FRYL: variants seen among roughly 807,000 people sequenced by gnomAD.
FRYL encodes protein furry homolog-like.
Under a neutral mutation model 351.2 loss-of-function variants are expected in FRYL, and 150 were observed. That is an observed-to-expected ratio of 0.43 (90% CI 0.37 to 0.49). The LOEUF (loss-of-function observed/expected upper bound fraction) is 0.49, where lower values mean the gene tolerates loss of function less well. Ranked by LOEUF, FRYL falls within the 20% of genes least tolerant of loss-of-function variation. The probability of loss-of-function intolerance (pLI) is 0.00; values close to 1 mark genes in which losing one functional copy is unlikely to be tolerated. For synonymous variants in FRYL, 1,153 were observed against 1,257.1 expected, an observed-to-expected ratio of 0.92 and a Z score of 1.75; for missense variants, 3,036 against 3,619.3, an observed-to-expected ratio of 0.84 and a Z score of 4.13.
chr4:48,566,891 T>C (rs1044368288), intron 28 of FRYL, among the ~76,000 whole-genome samples: 2 of 152,306 alleles, frequency 1.3e-5, no homozygotes, highest in African/African-American at 4.8e-5. Context: ...CCTATACTCT[T>C]TTCCCATTAT....
intron 31 of FRYL, 36 bp from the exon 32 acceptor site, chr4:48,563,024 T>A (rs1735860485): frequency 7.9e-6 from 10 of 1,260,692 alleles, no homozygotes; most frequent in African/African-American, 1.5e-5. Flanking sequence ...TAAATAACAA[T>A]GTTTAGAGGC....
Position 48,687,775 on chromosome 4 carries a change from C to T in FRYL, c.-203-2980G>A, listed in dbSNP as rs113517716. ...TTTCAGAGATGTTCAATATAGTATT[C>T]GCAATACTTGTCTGTATGCCGGGAA... On this transcript the variant is annotated intron_variant, in intron 2 of 63. Coordinates refer to ENST00000358350, the MANE Select transcript of FRYL (RefSeq NM_015030.2). Among the ~76,000 whole-genome samples, 1,370 of 152,048 alleles carry T rather than the reference C, an allele frequency of 9.0e-3. 9 individuals are homozygous for T. Among genetic ancestry groups the T allele is most frequent in the East Asian group, 0.044 (226 of 5,166 alleles).
At chr4:48,581,215 TTTA>T (rs1171239916) in intron 21 of FRYL, among the ~76,000 whole-genome samples, 1 of 151,920 alleles carries the variant, frequency 6.6e-6, no homozygotes, top group Non-Finnish European at 1.5e-5. Flanking sequence ...TAATTTTTTT[TTTA>T]TATTTTTAGT....
chr4:48,725,436 G>A (rs749501467), intron 1 of FRYL, among the ~76,000 whole-genome samples: 6 of 152,152 alleles, frequency 3.9e-5, no homozygotes, highest in African/African-American at 7.2e-5. Context: ...GTGTACAACC[G>A]TATCCCCTTA....
At chr4:48,623,797 A>C (rs1751187061) in intron 4 of FRYL, among the ~76,000 whole-genome samples, 1 of 151,954 alleles carries the variant, frequency 6.6e-6, no homozygotes, top group South Asian at 2.1e-4. Flanking sequence ...TCGTAAGAGA[A>C]ATATAAGTTA....
intron 57 of FRYL, among the ~76,000 whole-genome samples, chr4:48,511,436 T>A (rs1255129011): frequency 6.6e-6 from 1 of 152,196 alleles, no homozygotes; most frequent in Admixed American, 6.5e-5. Context: ...AAGAGTAATA[T>A]CTTCTCAGAG....
chr4:48,608,916 T>G, intron 9 of FRYL, 71 bp downstream of exon 9: 1 of 901,796 alleles, frequency 1.1e-6, no homozygotes, highest in Non-Finnish European at 1.9e-6. Flanking sequence ...TATCAGTATC[T>G]ATTGTATTCA....
intron 2 of FRYL, among the ~76,000 whole-genome samples, chr4:48,686,020 C>T (rs1285225950): frequency 3.3e-5 from 5 of 152,216 alleles, no homozygotes; most frequent in Non-Finnish European, 5.9e-5. Flanking sequence ...GGATTACAGG[C>T]GTGAGCCACC....
chr4:48,643,170 T>C (rs752638991), intron 3 of FRYL, among the ~76,000 whole-genome samples: 2 of 152,188 alleles, frequency 1.3e-5, no homozygotes, highest in Non-Finnish European at 2.9e-5. Context: ...CCAGCAAACA[T>C]ACCTGGACCC....
chr4:48,666,316 G>A (rs1421127349), intron 3 of FRYL, among the ~76,000 whole-genome samples: 2 of 152,090 alleles, frequency 1.3e-5, no homozygotes, highest in East Asian at 1.9e-4. Flanking sequence ...GCAGTGAGCC[G>A]AGACCACGCC....
At chr4:48,570,107 C>A (rs1396847203) in intron 27 of FRYL, among the ~76,000 whole-genome samples, 1 of 152,224 alleles carries the variant, frequency 6.6e-6, no homozygotes, top group Non-Finnish European at 1.5e-5. Flanking sequence ...AGCCACTGCA[C>A]CTAGTCCATT....
intron 13 of FRYL, among the ~76,000 whole-genome samples, chr4:48,601,392 A>C (rs1745671199): frequency 6.6e-6 from 1 of 152,190 alleles, no homozygotes; most frequent in African/African-American, 2.4e-5. Flanking sequence ...CCCAAAGAAG[A>C]AAAGAGGATC....
intron 1 of FRYL, among the ~76,000 whole-genome samples, chr4:48,773,439 TC>T (rs1017351151): frequency 6.6e-5 from 10 of 152,158 alleles, no homozygotes; most frequent in African/African-American, 2.4e-4. Context: ...ACTTTTAACT[TC>T]CTTTAAAGTA....
intron 1 of FRYL, among the ~76,000 whole-genome samples, chr4:48,711,821 T>C (rs536450436): frequency 5.3e-5 from 8 of 152,248 alleles, no homozygotes; most frequent in South Asian, 4.2e-4. Context: ...CACTGCCCAG[T>C]AGGGGCAGAC....
At chr4:48,566,765 T>C (rs1433235419) in intron 28 of FRYL, among the ~76,000 whole-genome samples, 1 of 152,256 alleles carries the variant, frequency 6.6e-6, no homozygotes, top group Non-Finnish European at 1.5e-5. Flanking sequence ...TGTAATTGTG[T>C]ATATTAATCT....
At chr4:48,730,642 G>T (rs1770620366) in intron 1 of FRYL, among the ~76,000 whole-genome samples, 1 of 152,174 alleles carries the variant, frequency 6.6e-6, no homozygotes, top group Non-Finnish European at 1.5e-5. Context: ...AGCTTCATAA[G>T]TGAAGGAGAA....
At chr4:48,736,869 A>C in intron 1 of FRYL, among the ~76,000 whole-genome samples, 1 of 149,904 alleles carries the variant, frequency 6.7e-6, no homozygotes, top group Non-Finnish European at 1.5e-5. Flanking sequence ...AAAAAAAAAA[A>C]AGAAAAAAGA....
At chr4:48,772,946 A>G (rs922777924) in intron 1 of FRYL, among the ~76,000 whole-genome samples, 3 of 152,232 alleles carry the variant, frequency 2.0e-5, no homozygotes, top group African/African-American at 7.2e-5. Context: ...CAACAGTGGG[A>G]TGTCGTTGGT....
chr4:48,500,171 T>G lies in FRYL; in HGVS notation c.8642A>C (p.Glu2881Ala). The stretch of plus-strand genomic sequence containing the variant: ...TTCGTTTTCGGAAGCGGACTCAGCT[T>G]CTTTGAGGATACTTTCCAGTTGGGC... ...ELAQLESILK[E>A]AESASENEEI... is the part of the protein sequence containing the mutation. Residue 2881 changes from glutamate to alanine, a missense_variant, in exon 63 of 64, where the codon GAA becomes GCA. By Grantham distance (107) the Glu-to-Ala change is moderately radical. Transcript: ENST00000358350. The G allele has an allele frequency of 6.2e-7, 1 of 1,603,892 alleles. No individual in the cohort carries two copies. The highest frequency in any genetic ancestry group is 8.5e-7 in the Non-Finnish European group (1 of 1,178,150).
Sources: gnomAD v4.1 joint callset for allele counts (sites outside exome capture counted in the v4.1 genomes callset) on GRCh38, gnomAD v4.1.1 for gene constraint, MANE v1.5 for transcripts, NCBI Gene and HGNC (gene_info 2026-07-23, HGNC 2026-07-21) for gene names.